The following AR variants were observed in gnomAD, a reference collection of about 807,000 sequenced individuals.
The protein encoded by AR is dihydrotestosterone receptor.
In AR, 8 loss-of-function variants were observed where a neutral mutation model predicts 53.9. That is an observed-to-expected ratio of 0.15 (90% CI 0.09 to 0.27). AR has a LOEUF of 0.27. AR is among the 10% of genes least tolerant of loss of function. The probability of loss-of-function intolerance (pLI) is 1.00; values close to 1 mark genes in which losing one functional copy is unlikely to be tolerated. For synonymous variants in AR, 359 were observed against 316.4 expected (o/e 1.13, Z -1.43); for missense variants, 639 against 742.5 (o/e 0.86, Z 1.62).
Position 67,546,354 on chromosome X carries a change from C to T in AR, c.1208C>T (p.Ala403Val), listed in dbSNP as rs772490323. The stretch of plus-strand genomic sequence containing the variant: ...TACGGCAGCGCCTGGGCGGCTGCGG[C>T]GGCGCAGTGCCGCTATGGGGACCTG... Reference protein sequence around the residue: ...LDYGSAWAAAAAQCRYGDLAS... With the variant: ...LDYGSAWAAAVAQCRYGDLAS... The change falls in exon 1 of 8, where the codon GCG becomes GTG. Residue 403 changes from alanine (A) to valine (V), a missense_variant. Physicochemically the swap from Ala to Val is moderately conservative, Grantham distance 64. Transcript: ENST00000374690. 4.5e-5 allele frequency: 53 copies of T among 1,184,788 alleles called. 1 individual carries two copies. The East Asian group carries it at 1.4e-3, about 32-fold the overall frequency.
intron 5 of AR, among the ~76,000 whole-genome samples, chrX:67,718,711 G>A (rs907475768): frequency 9.0e-6 from 1 of 110,791 alleles, no homozygotes; most frequent in African/African-American, 3.3e-5. Context: ...TCAGCCCAGT[G>A]CAACCTCCAC....
chrX:67,689,744 C>T, intron 3 of AR: 1 of 836,198 alleles, frequency 1.2e-6, no homozygotes, highest in Non-Finnish European at 1.5e-6. Flanking sequence ...AATCCCTTGA[C>T]TACTTTTCAT....
chrX:67,724,044 A>G lies in AR; in HGVS notation c.*203A>G. On this transcript the variant is annotated 3_prime_UTR_variant, in exon 8 of 8. Coordinates refer to ENST00000374690, the MANE Select transcript of AR (RefSeq NM_000044.6). ...CCTTTCTTTTTCTTCTTCCCTCCCT[A>G]TCTAACCCTCCCATGGCACCTTCAG... is the stretch of plus-strand genomic sequence containing the variant. 2.1e-6 allele frequency: 1 copy of G among 483,432 alleles called. No individual in the cohort carries two copies. The highest frequency in any genetic ancestry group is 3.3e-6 in the Non-Finnish European group (1 of 299,520). 39.8% of individuals were successfully genotyped at this position (483,432 alleles called of 1,213,427 possible). A position where few individuals can be genotyped will look rare whatever the true frequency, so the allele number is the denominator to read the frequency against.
chrX:67,713,124 G>A (rs1479646506), intron 4 of AR, among the ~76,000 whole-genome samples: 1 of 111,777 alleles, frequency 8.9e-6, no homozygotes, highest in Admixed American at 9.5e-5. Flanking sequence ...TTACAGTGAG[G>A]GGCCAAGGCT....
Position 67,727,010 on chromosome X carries a change from C to T in AR, c.*3169C>T, listed in dbSNP as rs1310703209. ...AAGAAGGAGCACCAGGGAGAAGGCT[C>T]CGTCTGTGCTGGGCAGCAGACAGCT... is the stretch of plus-strand genomic sequence containing the variant. On this transcript the variant is annotated 3_prime_UTR_variant, in exon 8 of 8. Coordinates refer to ENST00000374690, the MANE Select transcript of AR (RefSeq NM_000044.6). 1.2e-5 allele frequency: 2 copies of T among 172,063 alleles called. No individual in the cohort carries two copies. The highest frequency in any genetic ancestry group is 2.2e-5 in the Non-Finnish European group (2 of 89,901). 14.2% of individuals were successfully genotyped at this position (172,063 alleles called of 1,213,427 possible).
chrX:67,707,521 G>A (rs2076073920), intron 3 of AR, among the ~76,000 whole-genome samples: 1 of 111,433 alleles, frequency 9.0e-6, no homozygotes, highest in Non-Finnish European at 1.9e-5. Flanking sequence ...TTTGTTTTGA[G>A]CCTATATGTG....
chrX:67,685,903 A>G (rs750743649), intron 2 of AR, 107 bp from the exon 3 acceptor site: 3 of 1,114,635 alleles, frequency 2.7e-6, no homozygotes, highest in East Asian at 3.1e-5. Flanking sequence ...CACTTTTTTC[A>G]TGTGGTAGGA....
chrX:67,589,188 G>A (rs905630375), intron 1 of AR, among the ~76,000 whole-genome samples: 1 of 110,077 alleles, frequency 9.1e-6, no homozygotes, highest in Admixed American at 9.6e-5. Context: ...GCGTGAACCC[G>A]GGAAGCGGAG....
In AR at chrX:67,597,072, A is replaced by G. The variant is rs1356940915; in HGVS notation, c.1617-46184A>G. 7.1e-5 allele frequency among the ~76,000 whole-genome samples: 8 copies of G among 112,179 alleles called. No homozygotes were observed. In the South Asian group the frequency reaches 1.5e-3, roughly 21 times the overall value. ...GGAAACTTGTTCAGAAGGTCATTTCATTGAAATGTAGGAAGAGTTTCTGGC... is the reference window on the plus strand; with the variant it reads ...GGAAACTTGTTCAGAAGGTCATTTCGTTGAAATGTAGGAAGAGTTTCTGGC... On this transcript the variant is annotated intron_variant, in intron 1 of 7. Coordinates refer to ENST00000374690, the MANE Select transcript of AR (RefSeq NM_000044.6).
rs1212578073 is a variant in AR, at chrX:67,726,979, G to A, written c.*3138G>A. ...CTCGATGTGGACGAAGAGTGAGGAA[G>A]AGAAAAAGAAGGAGCACCAGGGAGA... On this transcript the variant is annotated 3_prime_UTR_variant, in exon 8 of 8. Transcript: ENST00000374690. The A allele has an allele frequency of 5.8e-6, 1 of 173,654 alleles. No individual in the cohort carries two copies. Among genetic ancestry groups the A allele is most frequent in the East Asian group, 8.2e-5 (1 of 12,177 alleles). The allele number at this position is 173,654 out of a possible 1,213,427, so 14.3% of individuals were successfully genotyped here. A position where few individuals can be genotyped will look rare whatever the true frequency, so the allele number is the denominator to read the frequency against.
At chrX:67,656,167 G>T (rs992736746) in intron 2 of AR, among the ~76,000 whole-genome samples, 13 of 111,585 alleles carry the variant, frequency 1.2e-4, no homozygotes, top group African/African-American at 4.2e-4. Flanking sequence ...CCAATGGCAG[G>T]GAAGAAGGGC....
chrX:67,620,695 A>G (rs1447839830), intron 1 of AR, among the ~76,000 whole-genome samples: 1 of 111,526 alleles, frequency 9.0e-6, no homozygotes, highest in Non-Finnish European at 1.9e-5. Flanking sequence ...CTCTTTTGAC[A>G]CTGTAACTAA....
chrX:67,570,609 T>C (rs1921773254), intron 1 of AR, among the ~76,000 whole-genome samples: 1 of 111,459 alleles, frequency 9.0e-6, no homozygotes, highest in African/African-American at 3.3e-5. Context: ...AAGAACTATG[T>C]TCTTTTTAAA....
chrX:67,689,516 C>T, intron 3 of AR: 1 of 900,693 alleles, frequency 1.1e-6, no homozygotes, highest in South Asian at 2.2e-5. Flanking sequence ...TTCTTTCCTG[C>T]TTCCAGGCCT....
intron 2 of AR, among the ~76,000 whole-genome samples, chrX:67,664,976 T>C (rs890424178): frequency 8.9e-6 from 1 of 112,816 alleles, no homozygotes; most frequent in African/African-American, 3.2e-5. Context: ...AGTGCAGTAT[T>C]ATGGTGGGAG....
intron 1 of AR, among the ~76,000 whole-genome samples, chrX:67,639,929 CATTCAGTATGAT>C (rs747857958): frequency 2.3e-4 from 26 of 111,387 alleles, no homozygotes; most frequent in Admixed American, 1.5e-3. Flanking sequence ...AGTTTTTGAC[CATTCAGTATGAT>C]ATTGGGTGTG....
At chrX:67,662,744 A>AT (rs1602235642) in intron 2 of AR, among the ~76,000 whole-genome samples, 1 of 110,710 alleles carries the variant, frequency 9.0e-6, no homozygotes, top group African/African-American at 3.3e-5. Flanking sequence ...TCCCATTATT[A>AT]TTGTGTGGGA....
chrX:67,549,331 G>A (rs1451730484), intron 1 of AR, among the ~76,000 whole-genome samples: 1 of 111,691 alleles, frequency 9.0e-6, no homozygotes, highest in East Asian at 2.8e-4. Flanking sequence ...TACCATTCAT[G>A]TGTGTGTTTA....
Position 67,694,548 on chromosome X carries a change from C to T in AR, c.1885+8422C>T, listed in dbSNP as rs111830907. ...CCAGTAAAAAATGGCAACCGCCCAC[C>T]TCCCCAACTTTACATGCTGCTTCCT... On this transcript the variant is annotated intron_variant, in intron 3 of 7. Coordinates refer to ENST00000374690, the MANE Select transcript of AR (RefSeq NM_000044.6). 649 of 1,020,352 alleles carry T rather than the reference C, an allele frequency of 6.4e-4. 2 individuals are homozygous for T. In the African/African-American group the frequency reaches 0.011, roughly 18 times the overall value. The allele number at this position is 1,020,352 out of a possible 1,213,427, so 84.1% of individuals were successfully genotyped here. A position where few individuals can be genotyped will look rare whatever the true frequency, so the allele number is the denominator to read the frequency against.
Sources: gnomAD v4.1 joint callset for allele counts (sites outside exome capture counted in the v4.1 genomes callset) on GRCh38, gnomAD v4.1.1 for gene constraint, MANE v1.5 for transcripts, NCBI Gene and HGNC (gene_info 2026-07-23, HGNC 2026-07-21) for gene names.